Variants in ST3GAL3 observed in about 807,000 individuals in gnomAD.
ST3GAL3 encodes the protein CMP-N-acetylneuraminate-beta-1,4-galactoside alpha-2,3-sialyltransferase.
Under a neutral mutation model 50.1 loss-of-function variants are expected in ST3GAL3, and 21 were observed. The ratio of observed to expected loss-of-function variants is 0.42; its 90% CI spans 0.30 to 0.60. The LOEUF is 0.60. Ranked by LOEUF, ST3GAL3 falls within the 20% of genes least tolerant of loss-of-function variation. ST3GAL3 has a pLI of 0.19. For synonymous variants in ST3GAL3, 183 were observed against 190.0 expected (o/e 0.96, Z 0.30); for missense variants, 353 against 489.4 (o/e 0.72, Z 2.63).
chr1:43,772,486 G>C (rs1436160174), intron 2 of ST3GAL3: 1 of 153,566 alleles, frequency 6.5e-6, no homozygotes, highest in Non-Finnish European at 1.4e-5. Flanking sequence ...CCAGCTACAC[G>C]CTTGGTGCCC....
At chr1:43,834,001 A>G (rs2154194113) in intron 4 of ST3GAL3, among the ~76,000 whole-genome samples, 1 of 152,060 alleles carries the variant, frequency 6.6e-6, no homozygotes, top group South Asian at 2.1e-4. Flanking sequence ...TCTCTACTAA[A>G]AATGCAAAAA....
intron 5 of ST3GAL3, among the ~76,000 whole-genome samples, chr1:43,877,080 C>T (rs1379395614): frequency 6.6e-6 from 1 of 152,204 alleles, no homozygotes; most frequent in African/African-American, 2.4e-5. Context: ...GTTTCTATCA[C>T]TAGCTTGACC....
At chr1:43,923,517 G>T (rs2083411734) in intron 11 of ST3GAL3, among the ~76,000 whole-genome samples, 1 of 152,176 alleles carries the variant, frequency 6.6e-6, no homozygotes, top group African/African-American at 2.4e-5. Context: ...GGTGCGGGAA[G>T]ATTCAGTATC....
intron 2 of ST3GAL3, among the ~76,000 whole-genome samples, chr1:43,752,297 G>A (rs1245269473): frequency 6.6e-6 from 1 of 152,174 alleles, no homozygotes; most frequent in Non-Finnish European, 1.5e-5. Flanking sequence ...AGTGGGGACT[G>A]CTCTTGTTCC....
chr1:43,882,276 C>T (rs912568071), intron 5 of ST3GAL3, among the ~76,000 whole-genome samples: 1 of 151,952 alleles, frequency 6.6e-6, no homozygotes, highest in Non-Finnish European at 1.5e-5. Flanking sequence ...GGCATGGAGG[C>T]GTTAAAGAGC....
chr1:43,791,855 C>G lies in ST3GAL3; in HGVS notation c.119-247C>G, dbSNP rs1430011096. ...TCCCCTAATCTGGCAAGAAATGCCT[C>G]TAAAGAATTTGGGGCCTGTCCCTGC... is the stretch of plus-strand genomic sequence containing the variant. On this transcript the variant is annotated intron_variant, in intron 2 of 11. Coordinates refer to ENST00000347631, the MANE Select transcript of ST3GAL3 (RefSeq NM_006279.5). Among the ~76,000 whole-genome samples, 3 of 152,206 alleles carry G rather than the reference C, an allele frequency of 2.0e-5. No homozygotes were observed. In the East Asian group the frequency reaches 5.8e-4, roughly 29 times the overall value.
chr1:43,883,736 G>A (rs2075536069), intron 5 of ST3GAL3, among the ~76,000 whole-genome samples: 1 of 152,162 alleles, frequency 6.6e-6, no homozygotes. Context: ...CTCTGCCGTT[G>A]ATGGGGGCTA....
chr1:43,740,651 A>T (rs946882361), intron 2 of ST3GAL3, among the ~76,000 whole-genome samples: 2 of 151,994 alleles, frequency 1.3e-5, no homozygotes, highest in South Asian at 2.1e-4. Flanking sequence ...CAAAAAAATT[A>T]AAAAATATTA....
chr1:43,733,001 G>C (rs1676597301), intron 1 of ST3GAL3, among the ~76,000 whole-genome samples: 1 of 145,432 alleles, frequency 6.9e-6, no homozygotes, highest in Non-Finnish European at 1.5e-5. Context: ...TTTTTTAAGA[G>C]ACAGCATCTC....
chr1:43,866,891 G>A (rs1398056988), intron 5 of ST3GAL3, among the ~76,000 whole-genome samples: 1 of 152,148 alleles, frequency 6.6e-6, no homozygotes, highest in African/African-American at 2.4e-5. Flanking sequence ...CAGCACTTTG[G>A]GAGGCCGTGG....
intron 1 of ST3GAL3, among the ~76,000 whole-genome samples, chr1:43,721,218 C>G (rs1031182128): frequency 2.7e-5 from 4 of 150,270 alleles, no homozygotes; most frequent in African/African-American, 9.8e-5. Flanking sequence ...GCACTCTAGC[C>G]TGTGCAACAG....
chr1:43,853,988 T>G (rs529345528), intron 5 of ST3GAL3, among the ~76,000 whole-genome samples: 8 of 152,230 alleles, frequency 5.3e-5, no homozygotes, highest in Admixed American at 2.6e-4. Context: ...ATCCCCACAT[T>G]ACAAAGCCCC....
intron 5 of ST3GAL3, among the ~76,000 whole-genome samples, chr1:43,846,853 G>A (rs1157664876): frequency 3.3e-5 from 5 of 152,110 alleles, no homozygotes; most frequent in Admixed American, 2.0e-4. Flanking sequence ...AAATGAGAGT[G>A]GAAGGCAACC....
intron 6 of ST3GAL3, among the ~76,000 whole-genome samples, chr1:43,897,577 T>C (rs1363949062): frequency 6.6e-6 from 1 of 152,086 alleles, no homozygotes; most frequent in Admixed American, 6.6e-5. Flanking sequence ...GTCTAAATAG[T>C]GGGCACAGGT....
chr1:43,749,295 G>T (rs967999360), intron 2 of ST3GAL3, among the ~76,000 whole-genome samples: 1 of 152,120 alleles, frequency 6.6e-6, no homozygotes, highest in African/African-American at 2.4e-5. Context: ...AACCATAAAA[G>T]AAATATTTAT....
intron 5 of ST3GAL3, among the ~76,000 whole-genome samples, chr1:43,861,976 C>A (rs2070066423): frequency 6.6e-6 from 1 of 150,846 alleles, no homozygotes; most frequent in South Asian, 2.1e-4. Flanking sequence ...TGCGGTGAGC[C>A]AAGATCACGC....
chr1:43,895,563 G>T (rs1044322812), intron 6 of ST3GAL3, among the ~76,000 whole-genome samples: 2 of 152,128 alleles, frequency 1.3e-5, no homozygotes, highest in Admixed American at 6.5e-5. Context: ...GTGTAAAGTT[G>T]TTGTCAGAAT....
At chr1:43,832,338 A>T (rs2063654518) in intron 4 of ST3GAL3, among the ~76,000 whole-genome samples, 1 of 152,228 alleles carries the variant, frequency 6.6e-6, no homozygotes, top group African/African-American at 2.4e-5. Flanking sequence ...GGAGCTGAGA[A>T]ATACCACAAG....
intron 9 of ST3GAL3, among the ~76,000 whole-genome samples, chr1:43,909,955 A>G (rs893275579): frequency 6.6e-6 from 1 of 152,246 alleles, no homozygotes; most frequent in Non-Finnish European, 1.5e-5. Context: ...CATGTTTTCA[A>G]ATAATGTGTT....
Sources: allele counts gnomAD v4.1 joint callset (sites outside exome capture counted in the v4.1 genomes callset), GRCh38; gene constraint gnomAD v4.1.1; transcripts MANE v1.5; gene names NCBI Gene and HGNC (gene_info 2026-07-23, HGNC 2026-07-21).